ADGRA3: variants seen among roughly 807,000 people sequenced by gnomAD.
ADGRA3 encodes the protein G-protein coupled receptor 125.
ADGRA3 carries 56 observed loss-of-function variants against 119.8 expected under a neutral mutation model. The observed-to-expected ratio is 0.47, with a 90% confidence interval of 0.38 to 0.58. The LOEUF is 0.58. ADGRA3 is among the 20% of genes least tolerant of loss of function. ADGRA3 has a pLI of 0.00. For missense variants in ADGRA3, 1,516 were observed against 1,649.0 expected (o/e 0.92, Z 1.40); for synonymous variants, 607 against 623.8 (o/e 0.97, Z 0.40).
chr4:22,486,104 T>A (rs1718424039), intron 1 of ADGRA3, among the ~76,000 whole-genome samples: 1 of 152,230 alleles, frequency 6.6e-6, no homozygotes, highest in African/African-American at 2.4e-5. Context: ...TCTGATCCCA[T>A]CTGCTTTATT....
At chr4:22,398,427 G>C (rs1714461573) in intron 16 of ADGRA3, among the ~76,000 whole-genome samples, 1 of 151,980 alleles carries the variant, frequency 6.6e-6, no homozygotes, top group South Asian at 2.1e-4. Context: ...AAGTACATAA[G>C]AATCTACCAG....
chr4:22,401,643 G>T, intron 15 of ADGRA3, 89 bp from the exon 16 acceptor site: 2 of 912,952 alleles, frequency 2.2e-6, no homozygotes, highest in East Asian at 2.7e-5. Context: ...CTTCATCAAA[G>T]GTAAAAGTTA....
At chr4:22,474,687 C>T (rs1717975614) in intron 1 of ADGRA3, among the ~76,000 whole-genome samples, 1 of 152,076 alleles carries the variant, frequency 6.6e-6, no homozygotes, top group Admixed American at 6.5e-5. Context: ...AGTAAAGGGC[C>T]CAAGATTACA....
intron 1 of ADGRA3, among the ~76,000 whole-genome samples, chr4:22,496,696 C>T (rs61793402): frequency 0.082 from 12,454 of 152,172 alleles, 658 homozygotes; most frequent in Middle Eastern, 0.12. Context: ...AGTGGCTGAG[C>T]CAATGTTAAA....
rs573309307 is a variant in ADGRA3 at position 22,449,869 on chromosome 4, C to T, written c.474-2358G>A. Among the ~76,000 whole-genome samples the T allele has an allele frequency of 4.0e-5, 6 of 150,754 alleles. No individual in the cohort carries two copies. In the East Asian group the frequency reaches 9.8e-4, roughly 25 times the overall value. On this transcript the variant is annotated intron_variant, in intron 4 of 18. Transcript: ENST00000334304. ...CTCAAAAAAAAAAAAAAATGAATTG[C>T]ATCTTACAGCAACCACTAGGTTCTA...
intron 12 of ADGRA3, among the ~76,000 whole-genome samples, chr4:22,418,960 C>A (rs188282653): frequency 2.2e-4 from 33 of 152,184 alleles, no homozygotes; most frequent in Non-Finnish European, 4.4e-4. Flanking sequence ...TAAGTGGCAT[C>A]GTTGTAGTGA....
Position 22,483,617 on chromosome 4 carries a change from G to T in ADGRA3, c.258-9774C>A, listed in dbSNP as rs117600571. On this transcript the variant is annotated intron_variant, in intron 1 of 18. Coordinates refer to ENST00000334304, the MANE Select transcript of ADGRA3 (RefSeq NM_145290.4). The stretch of plus-strand genomic sequence containing the variant: ...AACCATCTTAAAACTGATAGCAAAA[G>T]AATCTTCCAGCTGTTAGAAAAAGGA... 6.0e-4 allele frequency among the ~76,000 whole-genome samples: 92 copies of T among 152,212 alleles called. 1 individual carries two copies. The East Asian group carries it at 0.014, about 24-fold the overall frequency.
chr4:22,468,970 C>A (rs1199013911), intron 2 of ADGRA3, among the ~76,000 whole-genome samples: 1 of 151,980 alleles, frequency 6.6e-6, no homozygotes, highest in East Asian at 1.9e-4. Flanking sequence ...AGCAAGTAGG[C>A]CAACAGGGAC....
In ADGRA3 at chr4:22,460,656, G is replaced by A. The variant is rs796498909; in HGVS notation, c.401+1081C>T. Among the ~76,000 whole-genome samples, 38 of 152,292 alleles carry A rather than the reference G, an allele frequency of 2.5e-4. 2 individuals are homozygous for A. Among genetic ancestry groups the A allele is most frequent in the African/African-American group, 9.1e-4 (38 of 41,564 alleles). On this transcript the variant is annotated intron_variant, in intron 3 of 18. Coordinates refer to ENST00000334304, the MANE Select transcript of ADGRA3 (RefSeq NM_145290.4). The stretch of plus-strand genomic sequence containing the variant: ...TTGTTGAAATGCTACATAAGCCAGA[G>A]TTCTAAGCCACCTCTTTTGAGAATT...
Position 22,388,594 on chromosome 4 carries a change from A to G in ADGRA3, c.3077T>C (p.Val1026Ala). The G allele has an allele frequency of 3.7e-6, 6 of 1,614,050 alleles. No homozygotes were observed. Among genetic ancestry groups the G allele is most frequent in the Non-Finnish European group, 5.1e-6 (6 of 1,180,006 alleles). The change falls in exon 19 of 19, where the codon GTT becomes GCT. Residue 1026 changes from valine to alanine, a missense_variant. Physicochemically the swap from Val to Ala is moderately conservative, Grantham distance 64. Transcript: ENST00000334304. ...TGTGGCTCCAAAAACGAAGCTAAAAACCAAGTCCAAAGGGTAATACAAAGA... is the reference window on the plus strand; with the variant it reads ...TGTGGCTCCAAAAACGAAGCTAAAAGCCAAGTCCAAAGGGTAATACAAAGA... ...AVSLYYPLDLVFSFVFGATSL... is the reference protein window; with the variant it reads ...AVSLYYPLDLAFSFVFGATSL...
intron 1 of ADGRA3, among the ~76,000 whole-genome samples, chr4:22,494,292 A>G (rs902411290): frequency 6.6e-6 from 1 of 151,930 alleles, no homozygotes; most frequent in Non-Finnish European, 1.5e-5. Flanking sequence ...ATGCCATGGC[A>G]ACATGAGGAA....
At chr4:22,427,249 G>C (rs1715977957) in intron 10 of ADGRA3, among the ~76,000 whole-genome samples, 1 of 152,060 alleles carries the variant, frequency 6.6e-6, no homozygotes, top group African/African-American at 2.4e-5. Context: ...CTGAAATATA[G>C]GCAGTGCTTA....
intron 16 of ADGRA3, among the ~76,000 whole-genome samples, chr4:22,400,312 C>T (rs148422819): frequency 6.6e-6 from 1 of 151,944 alleles, no homozygotes; most frequent in East Asian, 1.9e-4. Context: ...CCATCAACAA[C>T]AAATAGATAA....
intron 14 of ADGRA3, among the ~76,000 whole-genome samples, chr4:22,405,165 T>G (rs997321771): frequency 6.6e-6 from 1 of 152,168 alleles, no homozygotes; most frequent in African/African-American, 2.4e-5. Flanking sequence ...GGGAGCTGGA[T>G]ACCATCGAAT....
At chr4:22,490,139 G>A (rs887349061) in intron 1 of ADGRA3, among the ~76,000 whole-genome samples, 9 of 152,168 alleles carry the variant, frequency 5.9e-5, no homozygotes, top group African/African-American at 2.2e-4. Context: ...CTATTTTTCT[G>A]CCTTAGCATT....
At chr4:22,419,772 G>GTT (rs142209065) in intron 12 of ADGRA3, among the ~76,000 whole-genome samples, 6 of 151,728 alleles carry the variant, frequency 4.0e-5, no homozygotes, top group African/African-American at 1.5e-4. Context: ...GTTTTGTTTT[G>GTT]TTTTTTTCCC....
chr4:22,481,774 T>G (rs909254943), intron 1 of ADGRA3, among the ~76,000 whole-genome samples: 3 of 152,194 alleles, frequency 2.0e-5, no homozygotes, highest in Non-Finnish European at 4.4e-5. Context: ...CTGTAAAACC[T>G]AAAATATTTA....
intron 1 of ADGRA3, among the ~76,000 whole-genome samples, chr4:22,474,716 A>C (rs988766318): frequency 1.3e-5 from 2 of 152,230 alleles, no homozygotes; most frequent in Non-Finnish European, 2.9e-5. Flanking sequence ...TGGCAGACCC[A>C]GATTTTGTAC....
At chr4:22,442,282 G>A (rs1453821592) in intron 7 of ADGRA3, among the ~76,000 whole-genome samples, 1 of 152,000 alleles carries the variant, frequency 6.6e-6, no homozygotes, top group Non-Finnish European at 1.5e-5. Context: ...TATTGTATCA[G>A]TCAATATTTT....
Sources: allele counts gnomAD v4.1 joint callset (sites outside exome capture counted in the v4.1 genomes callset), GRCh38; gene constraint gnomAD v4.1.1; transcripts MANE v1.5; gene names NCBI Gene and HGNC (gene_info 2026-07-23, HGNC 2026-07-21).